CYP2C19: variants seen among roughly 807,000 people sequenced by gnomAD.
CYP2C19 encodes cytochrome P450 family 2 subfamily C member 19.
Under a neutral mutation model 40.9 loss-of-function variants are expected in CYP2C19, and 59 were observed. That is an observed-to-expected ratio of 1.44 (90% CI 1.17 to 1.79). The LOEUF is 1.79. Ranked by LOEUF, CYP2C19 falls within the 40% of genes most tolerant of loss-of-function variation. The pLI is 0.00. For missense variants in CYP2C19, 754 were observed against 596.9 expected (o/e 1.26, Z -2.74); for synonymous variants, 253 against 208.7 (o/e 1.21, Z -1.83).
intron 5 of CYP2C19, among the ~76,000 whole-genome samples, chr10:94,783,162 G>A (rs2134241242): frequency 6.6e-6 from 1 of 152,138 alleles, no homozygotes; most frequent in East Asian, 1.9e-4. Flanking sequence ...CAGGTTTTAG[G>A]TGAAATGGAA....
At chr10:94,842,787 A>G (rs1383730138) in intron 6 of CYP2C19, 50 bp from the exon 7 acceptor site, 1 of 1,590,670 alleles carries the variant, frequency 6.3e-7, no homozygotes, top group African/African-American at 1.3e-5. Context: ...TGCTAGAACA[A>G]ATGTTCCATT....
intron 6 of CYP2C19, among the ~76,000 whole-genome samples, chr10:94,839,839 T>A (rs1849465063): frequency 1.3e-5 from 2 of 152,244 alleles, no homozygotes; most frequent in Non-Finnish European, 2.9e-5. Flanking sequence ...CTGGTCGGAC[T>A]GTTGTATGGT....
At chr10:94,824,813 C>G (rs533849894) in intron 6 of CYP2C19, among the ~76,000 whole-genome samples, 210 of 120,080 alleles carry the variant, frequency 1.7e-3, no homozygotes, top group Non-Finnish European at 2.9e-3. Context: ...CCCCTCCCCC[C>G]ACCCCACATC....
At chr10:94,823,619 A>T (rs1342460828) in intron 6 of CYP2C19, among the ~76,000 whole-genome samples, 1 of 152,198 alleles carries the variant, frequency 6.6e-6, no homozygotes, top group African/African-American at 2.4e-5. Context: ...GGACACCAGA[A>T]TTAAAGGGAA....
intron 6 of CYP2C19, among the ~76,000 whole-genome samples, chr10:94,832,605 T>A (rs1158857282): frequency 6.6e-6 from 1 of 152,212 alleles, no homozygotes; most frequent in Non-Finnish European, 1.5e-5. Flanking sequence ...TTCACTATTC[T>A]GTTCCATTGG....
intron 5 of CYP2C19, among the ~76,000 whole-genome samples, chr10:94,816,776 T>A (rs1033336370): frequency 4.8e-5 from 7 of 146,178 alleles, no homozygotes; most frequent in Non-Finnish European, 9.0e-5. Flanking sequence ...CCCCTTCATG[T>A]GTCCATGTGA....
At chr10:94,777,758 T>G (rs1382835916) in intron 3 of CYP2C19, among the ~76,000 whole-genome samples, 1 of 152,044 alleles carries the variant, frequency 6.6e-6, no homozygotes, top group Non-Finnish European at 1.5e-5. Context: ...ACTTCATGAC[T>G]AAAACACCAA....
At chr10:94,822,496 C>T (rs1849140074) in intron 6 of CYP2C19, among the ~76,000 whole-genome samples, 1 of 152,084 alleles carries the variant, frequency 6.6e-6, no homozygotes, top group Non-Finnish European at 1.5e-5. Flanking sequence ...TAAGTTGATT[C>T]CATTTTTTTG....
At chr10:94,826,990 C>T (rs1162542372) in intron 6 of CYP2C19, among the ~76,000 whole-genome samples, 1 of 152,096 alleles carries the variant, frequency 6.6e-6, no homozygotes, top group Admixed American at 6.5e-5. Context: ...ATTGAACCAG[C>T]CTTGCATCCC....
intron 3 of CYP2C19, among the ~76,000 whole-genome samples, chr10:94,778,809 C>A (rs1172567228): frequency 6.6e-6 from 1 of 152,154 alleles, no homozygotes; most frequent in Non-Finnish European, 1.5e-5. Context: ...AAGATACATA[C>A]AAACGTATGT....
At chr10:94,826,590 C>G (rs185066427) in intron 6 of CYP2C19, among the ~76,000 whole-genome samples, 1 of 152,188 alleles carries the variant, frequency 6.6e-6, no homozygotes, top group East Asian at 1.9e-4. Flanking sequence ...GATATACAAT[C>G]ATGTCATCTG....
intron 5 of CYP2C19, among the ~76,000 whole-genome samples, chr10:94,800,028 T>C (rs1044268820): frequency 9.9e-5 from 15 of 152,186 alleles, no homozygotes; most frequent in Non-Finnish European, 1.8e-4. Context: ...TCATGCTCCA[T>C]CCAGCTTTGT....
chr10:94,838,591 T>C (rs73315998), intron 6 of CYP2C19, among the ~76,000 whole-genome samples: 2,892 of 152,182 alleles, frequency 0.019, 81 homozygotes, highest in African/African-American at 0.063. Flanking sequence ...TCAGGGAATA[T>C]TGGCACTCTT....
chr10:94,846,609 G>C (rs865892065), intron 7 of CYP2C19, among the ~76,000 whole-genome samples: 1 of 152,014 alleles, frequency 6.6e-6, no homozygotes, highest in Middle Eastern at 3.4e-3. Context: ...GACCTGAATG[G>C]TTACAAAAGA....
intron 5 of CYP2C19, among the ~76,000 whole-genome samples, chr10:94,817,361 G>A (rs949108736): frequency 8.0e-5 from 12 of 149,074 alleles, no homozygotes; most frequent in Middle Eastern, 3.4e-3. Flanking sequence ...GTGTTTTTTG[G>A]CTGCATAAAT....
At chr10:94,791,948 A>G (rs574502614) in intron 5 of CYP2C19, among the ~76,000 whole-genome samples, 13 of 152,186 alleles carry the variant, frequency 8.5e-5, no homozygotes, top group Admixed American at 8.5e-4. Context: ...GATCTGTCAA[A>G]TGTTGACAGT....
intron 5 of CYP2C19, among the ~76,000 whole-genome samples, chr10:94,807,516 T>G (rs1408427423): frequency 6.6e-6 from 1 of 152,086 alleles, no homozygotes; most frequent in Non-Finnish European, 1.5e-5. Context: ...TCAATAAGTT[T>G]TTGAGTTCTC....
In CYP2C19 at chr10:94,853,718, T is replaced by A. The variant is rs2134295958; in HGVS notation, c.*804T>A. 6.6e-6 allele frequency among the ~76,000 whole-genome samples: 1 copy of A among 151,892 alleles called. No individual in the cohort carries two copies. Among genetic ancestry groups the A allele is most frequent in the East Asian group, 2.0e-4 (1 of 5,102 alleles). On this transcript the variant is annotated 3_prime_UTR_variant, in exon 9 of 9. Transcript: ENST00000371321. ...GTGCCACCATGCCTGGCTAATTTTTTTGTATTTTTAGTACAGACAGGGTTT... is the reference window on the plus strand; with the variant it reads ...GTGCCACCATGCCTGGCTAATTTTTATGTATTTTTAGTACAGACAGGGTTT...
chr10:94,808,276 TA>T (rs112984453), intron 5 of CYP2C19, among the ~76,000 whole-genome samples: 11,764 of 152,054 alleles, frequency 0.077, 520 homozygotes, highest in South Asian at 0.12. Flanking sequence ...AGATTTATAG[TA>T]ATTTTTGTGT....
Sources: gnomAD v4.1 joint callset for allele counts (sites outside exome capture counted in the v4.1 genomes callset) on GRCh38, gnomAD v4.1.1 for gene constraint, MANE v1.5 for transcripts, NCBI Gene and HGNC (gene_info 2026-07-23, HGNC 2026-07-21) for gene names.